Variants in FOXN3 observed in about 807,000 individuals in gnomAD.
FOXN3 encodes the protein forkhead box N3.
FOXN3 carries 7 observed loss-of-function variants against 38.4 expected under a neutral mutation model. The observed-to-expected ratio is 0.18, with a 90% confidence interval of 0.10 to 0.34. FOXN3 has a LOEUF of 0.34. Ranked by LOEUF, FOXN3 falls within the 10% of genes least tolerant of loss-of-function variation. The pLI, the probability that FOXN3 is intolerant of heterozygous loss-of-function variation, is 1.00. For missense variants in FOXN3, 456 were observed against 613.4 expected (o/e 0.74, Z 2.71); for synonymous variants, 230 against 242.2 (o/e 0.95, Z 0.47).
At chr14:89,478,531 G>A (rs572376403) in intron 1 of FOXN3, among the ~76,000 whole-genome samples, 2 of 152,216 alleles carry the variant, frequency 1.3e-5, no homozygotes, top group South Asian at 4.1e-4. Flanking sequence ...CCAATTATCA[G>A]TCAGGATCAT....
intron 5 of FOXN3, among the ~76,000 whole-genome samples, chr14:89,180,285 C>A (rs1032099513): frequency 2.6e-5 from 4 of 152,192 alleles, no homozygotes; most frequent in African/African-American, 9.7e-5. Flanking sequence ...TTCCCCGCAA[C>A]CCCTGGTAGG....
chr14:89,208,623 G>C (rs207475131), intron 4 of FOXN3, among the ~76,000 whole-genome samples: 69 of 152,030 alleles, frequency 4.5e-4, no homozygotes, highest in Non-Finnish European at 8.7e-4. Context: ...GCAATATCTC[G>C]AGCTCCTACA....
chr14:89,593,374 C>T (rs1433821440), intron 1 of FOXN3, among the ~76,000 whole-genome samples: 1 of 152,130 alleles, frequency 6.6e-6, no homozygotes, highest in Non-Finnish European at 1.5e-5. Context: ...CGTGGTGGCT[C>T]ATGCCTGTAA....
At chr14:89,268,535 T>C (rs8007023) in intron 4 of FOXN3, among the ~76,000 whole-genome samples, 14,296 of 152,234 alleles carry the variant, frequency 0.094, 770 homozygotes, top group African/African-American at 0.15. Context: ...TAAAGGAGAA[T>C]TGATGAGCCC....
intron 2 of FOXN3, chr14:89,353,536 T>G (rs7158631): frequency 0.52 from 79,162 of 151,754 alleles, 22,428 homozygotes; most frequent in Admixed American, 0.63. Context: ...CCCTCTATTT[T>G]CATCACTCCC....
At chr14:89,503,905 C>G (rs1055656962) in intron 1 of FOXN3, among the ~76,000 whole-genome samples, 4 of 152,196 alleles carry the variant, frequency 2.6e-5, no homozygotes, top group African/African-American at 7.2e-5. Flanking sequence ...AGATGCGACG[C>G]CATGAAACAG....
rs1340365495 is a variant in FOXN3, at chr14:89,417,079, C to A, written c.-223G>T. Reference sequence around the variant, plus strand: ...GGGTCGCGGCGCGGCATGGGACCTGCGGCGTCCGCCGGGCGCGCCGCGCGT... The same window carrying A: ...GGGTCGCGGCGCGGCATGGGACCTGAGGCGTCCGCCGGGCGCGCCGCGCGT... On this transcript the variant is annotated 5_prime_UTR_variant, in exon 1 of 6. Coordinates refer to ENST00000557258, the MANE Select transcript of FOXN3 (RefSeq NM_005197.4). 1 of 143,916 alleles carries A rather than the reference C, an allele frequency of 6.9e-6. No homozygotes were observed. The highest frequency in any genetic ancestry group is 1.5e-5 in the Non-Finnish European group (1 of 64,890). The allele number at this position is 143,916 out of a possible 1,614,324, so 8.9% of individuals were successfully genotyped here.
intron 4 of FOXN3, among the ~76,000 whole-genome samples, chr14:89,226,827 A>T (rs534770340): frequency 6.6e-6 from 1 of 152,214 alleles, no homozygotes; most frequent in Non-Finnish European, 1.5e-5. Context: ...GGAAAACACC[A>T]TCTGAAGACT....
rs1887057905 is a variant in FOXN3, at chr14:89,159,893, C to T, written c.*2521G>A. The T allele has an allele frequency of 1.3e-5, 2 of 152,186 alleles. No homozygotes were observed. Among genetic ancestry groups the T allele is most frequent in the Admixed American group, 1.3e-4 (2 of 15,278 alleles). 9.4% of individuals were successfully genotyped at this position (152,186 alleles called of 1,614,324 possible). On this transcript the variant is annotated 3_prime_UTR_variant, in exon 6 of 6. Coordinates refer to ENST00000557258, the MANE Select transcript of FOXN3 (RefSeq NM_005197.4). ...GAATAAATATGCTGGAAGTATTCAGCTTCAGGTCATGAATTCGACCTGCTG... is the reference window on the plus strand; with the variant it reads ...GAATAAATATGCTGGAAGTATTCAGTTTCAGGTCATGAATTCGACCTGCTG...
At chr14:89,449,019 C>T (rs1270457130) in intron 1 of FOXN3, among the ~76,000 whole-genome samples, 1 of 152,056 alleles carries the variant, frequency 6.6e-6, no homozygotes, top group African/African-American at 2.4e-5. Flanking sequence ...GTCAAGGTTA[C>T]CTTCTGGGTC....
chr14:89,285,848 T>C (rs1055363127), intron 3 of FOXN3, among the ~76,000 whole-genome samples: 1 of 145,386 alleles, frequency 6.9e-6, no homozygotes, highest in East Asian at 2.1e-4. Flanking sequence ...GTAAATTATA[T>C]GTATTTTACC....
At chr14:89,534,656 G>C (rs1283576816) in intron 1 of FOXN3, among the ~76,000 whole-genome samples, 2 of 152,104 alleles carry the variant, frequency 1.3e-5, no homozygotes, top group African/African-American at 4.8e-5. Context: ...GACTCCCCTG[G>C]GGAACCTGTA....
At chr14:89,461,949 G>A (rs1030680168) in intron 1 of FOXN3, among the ~76,000 whole-genome samples, 1 of 152,190 alleles carries the variant, frequency 6.6e-6, no homozygotes, top group Non-Finnish European at 1.5e-5. Flanking sequence ...CAGTGCATAC[G>A]ACAGGCCCCT....
At chr14:89,590,738 C>T (rs913727422) in intron 1 of FOXN3, among the ~76,000 whole-genome samples, 3 of 152,188 alleles carry the variant, frequency 2.0e-5, no homozygotes, top group African/African-American at 7.2e-5. Context: ...GAACCCCTCT[C>T]CCCGAGAGTC....
chr14:89,403,120 T>C (rs1022013291), intron 2 of FOXN3, among the ~76,000 whole-genome samples: 3 of 152,250 alleles, frequency 2.0e-5, no homozygotes, highest in African/African-American at 7.2e-5. Context: ...TCTTTTTTAT[T>C]TTGCATTATG....
intron 2 of FOXN3, among the ~76,000 whole-genome samples, chr14:89,372,969 C>T (rs950556656): frequency 6.6e-6 from 1 of 152,054 alleles, no homozygotes; most frequent in East Asian, 1.9e-4. Context: ...AGTTCGAGAC[C>T]AGCCTGAGCA....
intron 4 of FOXN3, among the ~76,000 whole-genome samples, chr14:89,228,474 T>C (rs943717267): frequency 2.0e-5 from 3 of 152,248 alleles, no homozygotes; most frequent in African/African-American, 4.8e-5. Context: ...TCAACAGTTT[T>C]CAAATGTAAA....
intron 1 of FOXN3, among the ~76,000 whole-genome samples, chr14:89,529,057 C>T (rs1429206530): frequency 6.6e-6 from 1 of 152,132 alleles, no homozygotes; most frequent in South Asian, 2.1e-4. Flanking sequence ...TTAAGACATG[C>T]TTCCTAAAGT....
chr14:89,323,506 G>A (rs1298172680), intron 3 of FOXN3, among the ~76,000 whole-genome samples: 1 of 151,860 alleles, frequency 6.6e-6, no homozygotes, highest in Admixed American at 6.6e-5. Context: ...GGATCACGAG[G>A]TCAGGAGTTT....
Sources: gnomAD v4.1 joint callset for allele counts (sites outside exome capture counted in the v4.1 genomes callset) on GRCh38, gnomAD v4.1.1 for gene constraint, MANE v1.5 for transcripts, NCBI Gene and HGNC (gene_info 2026-07-23, HGNC 2026-07-21) for gene names.